Variants in DLC1 observed in about 807,000 individuals in gnomAD.
The protein encoded by DLC1 is rho GTPase-activating protein 7.
In DLC1, 54 loss-of-function variants were observed where a neutral mutation model predicts 140.3. The observed-to-expected ratio is 0.38, with a 90% CI of 0.31 to 0.48. The LOEUF is 0.48. Ranked by LOEUF, DLC1 falls within the 20% of genes least tolerant of loss-of-function variation. DLC1 has a pLI of 0.96. For missense variants in DLC1, 2,536 were observed against 1,907.0 expected, an observed-to-expected ratio of 1.33 and a Z score of -6.14; for synonymous variants, 986 against 728.1, an observed-to-expected ratio of 1.35 and a Z score of -5.70.
chr8:13,175,578 A>G (rs982096534), intron 5 of DLC1, among the ~76,000 whole-genome samples: 1 of 152,198 alleles, frequency 6.6e-6, no homozygotes, highest in Non-Finnish European at 1.5e-5. Context: ...AAATAACTCT[A>G]TAGACTCACA....
chr8:13,399,903 C>G (rs1049130859), intron 3 of DLC1, among the ~76,000 whole-genome samples: 3 of 152,204 alleles, frequency 2.0e-5, no homozygotes, highest in African/African-American at 7.2e-5. Flanking sequence ...TCCTGCTGAT[C>G]TATAAATTCA....
chr8:13,228,619 A>G (rs1425704785), intron 5 of DLC1, among the ~76,000 whole-genome samples: 1 of 152,140 alleles, frequency 6.6e-6, no homozygotes, highest in African/African-American at 2.4e-5. Flanking sequence ...GCATGGTGGC[A>G]TGTGGCTGTA....
chr8:13,592,450 C>CTA (rs565685075), intron 1 of DLC1, among the ~76,000 whole-genome samples: 241 of 151,814 alleles, frequency 1.6e-3, no homozygotes, highest in African/African-American at 5.5e-3. Context: ...TTTTAATGTT[C>CTA]TATATAGCTT....
At chr8:13,553,032 G>T (rs1803916061) in intron 1 of DLC1, among the ~76,000 whole-genome samples, 1 of 151,046 alleles carries the variant, frequency 6.6e-6, no homozygotes, top group Admixed American at 6.6e-5. Flanking sequence ...CTAAAAGCTT[G>T]TTACTTCAGC....
At chr8:13,328,399 G>A (rs558774489) in intron 4 of DLC1, among the ~76,000 whole-genome samples, 2 of 152,114 alleles carry the variant, frequency 1.3e-5, no homozygotes, top group African/African-American at 4.8e-5. Context: ...GGTTGATTGC[G>A]GGAGTGTAGA....
intron 4 of DLC1, among the ~76,000 whole-genome samples, chr8:13,392,481 C>T (rs1180783050): frequency 6.6e-6 from 1 of 152,136 alleles, no homozygotes; most frequent in Non-Finnish European, 1.5e-5. Flanking sequence ...GCAAATCTGT[C>T]ATGTTTTAAA....
At chr8:13,260,740 GA>G (rs1399271271) in intron 5 of DLC1, among the ~76,000 whole-genome samples, 1 of 152,054 alleles carries the variant, frequency 6.6e-6, no homozygotes, top group African/African-American at 2.4e-5. Context: ...CAACATAGAA[GA>G]AAGAACATAA....
intron 5 of DLC1, among the ~76,000 whole-genome samples, chr8:13,236,117 T>C (rs988253753): frequency 3.3e-5 from 5 of 152,046 alleles, no homozygotes; most frequent in African/African-American, 1.2e-4. Context: ...GAAACAATCA[T>C]TAAGGATTAA....
intron 4 of DLC1, among the ~76,000 whole-genome samples, chr8:13,349,546 C>T (rs975087605): frequency 1.7e-4 from 26 of 152,190 alleles, no homozygotes; most frequent in African/African-American, 6.3e-4. Context: ...TCACCAGCCA[C>T]CAGGAAACAC....
intron 5 of DLC1, among the ~76,000 whole-genome samples, chr8:13,143,100 G>A (rs1405088650): frequency 6.6e-6 from 1 of 150,438 alleles, no homozygotes; most frequent in Non-Finnish European, 1.5e-5. Context: ...CATATTGGTG[G>A]GTGCAAGCCC....
At chr8:13,547,332 T>C (rs1258492368) in intron 1 of DLC1, among the ~76,000 whole-genome samples, 1 of 152,096 alleles carries the variant, frequency 6.6e-6, no homozygotes, top group African/African-American at 2.4e-5. Context: ...GACCGTCATA[T>C]AGACTTGTGT....
At chr8:13,540,260 T>C (rs533295093) in intron 1 of DLC1, among the ~76,000 whole-genome samples, 1 of 152,242 alleles carries the variant, frequency 6.6e-6, no homozygotes, top group African/African-American at 2.4e-5. Context: ...AAATTCATTA[T>C]GATCATTTCC....
chr8:13,431,113 A>T (rs993019800), intron 2 of DLC1, among the ~76,000 whole-genome samples: 9 of 152,220 alleles, frequency 5.9e-5, no homozygotes, highest in African/African-American at 2.2e-4. Flanking sequence ...TATTCAAAGT[A>T]GCTTAAGCAA....
At chr8:13,542,581 T>A (rs1318753365) in intron 1 of DLC1, among the ~76,000 whole-genome samples, 5 of 152,188 alleles carry the variant, frequency 3.3e-5, no homozygotes, top group Non-Finnish European at 7.4e-5. Flanking sequence ...TGATCGAGAT[T>A]GATCAAATGT....
chr8:13,161,046 T>A (rs144013367), intron 5 of DLC1, among the ~76,000 whole-genome samples: 3,021 of 152,198 alleles, frequency 0.02, 105 homozygotes, highest in African/African-American at 0.065. Flanking sequence ...GCGCCACTGC[T>A]CTCCAGCCTG....
chr8:13,293,224 T>C (rs989844531), intron 5 of DLC1, among the ~76,000 whole-genome samples: 5 of 152,196 alleles, frequency 3.3e-5, no homozygotes, highest in Non-Finnish European at 7.3e-5. Flanking sequence ...AGCGTGAACC[T>C]GTCTCTAAAA....
intron 1 of DLC1, among the ~76,000 whole-genome samples, chr8:13,577,956 G>A (rs945252673): frequency 1.4e-4 from 22 of 152,058 alleles, no homozygotes; most frequent in African/African-American, 3.6e-4. Context: ...GGACATAAGG[G>A]TGGAAGCATG....
chr8:13,351,617 T>C (rs1834666919), intron 4 of DLC1, among the ~76,000 whole-genome samples: 2 of 152,140 alleles, frequency 1.3e-5, no homozygotes, highest in Admixed American at 1.3e-4. Context: ...TCCATGTACA[T>C]TGGTTTGTTT....
rs148973695 is a variant in DLC1, at chr8:13,218,627, A to C, written c.1348+86642T>G. 9.9e-3 allele frequency among the ~76,000 whole-genome samples: 1,503 copies of C among 151,668 alleles called. 12 individuals are homozygous for C. The highest frequency in any genetic ancestry group is 0.035 in the South Asian group (168 of 4,818). On this transcript the variant is annotated intron_variant, in intron 5 of 17. Coordinates refer to ENST00000276297, the MANE Select transcript of DLC1 (RefSeq NM_182643.3). ...CATAATTTGAGAAAAGGAAAATCAC[A>C]AGTATTGGTGAGGAGGTAGAGAAAC...
Sources: gnomAD v4.1 joint callset for allele counts (sites outside exome capture counted in the v4.1 genomes callset) on GRCh38, gnomAD v4.1.1 for gene constraint, MANE v1.5 for transcripts, NCBI Gene and HGNC (gene_info 2026-07-23, HGNC 2026-07-21) for gene names.